Variants in VPS13D observed in about 807,000 individuals in gnomAD.
The protein encoded by VPS13D is vacuolar protein sorting 13 homolog D, also known as intermembrane lipid transfer protein VPS13D.
Under a neutral mutation model 461.9 loss-of-function variants are expected in VPS13D, and 187 were observed. The ratio of observed to expected loss-of-function variants is 0.40; its 90% CI spans 0.36 to 0.46. The LOEUF (loss-of-function observed/expected upper bound fraction) is 0.46. VPS13D is among the 20% of genes least tolerant of loss of function. The pLI is 0.60. For missense variants in VPS13D, 4,711 were observed against 5,364.9 expected (o/e 0.88, Z 3.81); for synonymous variants, 1,951 against 1,986.3 (o/e 0.98, Z 0.47).
At chr1:12,393,773 C>T (rs1644459788) in intron 60 of VPS13D, among the ~76,000 whole-genome samples, 1 of 152,172 alleles carries the variant, frequency 6.6e-6, no homozygotes. Flanking sequence ...CCCTACCAGT[C>T]AAGGAGCCAA....
intron 67 of VPS13D, among the ~76,000 whole-genome samples, chr1:12,472,011 A>C (rs77898650): frequency 0.032 from 4,937 of 152,258 alleles, 157 homozygotes; most frequent in Admixed American, 0.11. Flanking sequence ...ATTGGTTTCT[A>C]ATTAAATTCT....
chr1:12,321,987 A>G, intron 33 of VPS13D, 23 bp downstream of exon 33: 3 of 1,612,360 alleles, frequency 1.9e-6, no homozygotes, highest in Non-Finnish European at 2.5e-6. Flanking sequence ...AATCTGTGCA[A>G]TACGTTGATA....
intron 60 of VPS13D, among the ~76,000 whole-genome samples, chr1:12,399,254 T>TGGCGCTATCTCGGCTCACTGCAAC (rs1644540753): frequency 6.6e-6 from 1 of 151,424 alleles, no homozygotes; most frequent in South Asian, 2.1e-4. Flanking sequence ...TGGAGTGCAG[T>TGGCGCTATCTCGGCTCACTGCAAC]GGCGCTATCT....
chr1:12,413,514 C>G (rs1165774634), intron 63 of VPS13D, among the ~76,000 whole-genome samples: 1 of 152,010 alleles, frequency 6.6e-6, no homozygotes, highest in East Asian at 1.9e-4. Flanking sequence ...ACTCTGTCAC[C>G]CAGGCTAAGT....
chr1:12,483,692 C>A (rs761562287), intron 67 of VPS13D, among the ~76,000 whole-genome samples: 1 of 152,142 alleles, frequency 6.6e-6, no homozygotes, highest in Non-Finnish European at 1.5e-5. Flanking sequence ...CTTTAGGAAT[C>A]GCTTTGGCAT....
At chr1:12,230,160 C>T (rs953254448) in intron 1 of VPS13D, 40 bp downstream of exon 1, 9 of 152,152 alleles carry the variant, frequency 5.9e-5, no homozygotes, top group African/African-American at 2.2e-4. Flanking sequence ...GGGCCAGGGT[C>T]GGGAACTGCA....
intron 65 of VPS13D, among the ~76,000 whole-genome samples, chr1:12,430,911 G>A (rs980930543): frequency 7.9e-5 from 12 of 152,212 alleles, no homozygotes; most frequent in Non-Finnish European, 1.8e-4. Context: ...ATTAGCAAGT[G>A]AAAGTTGTAG....
At chr1:12,432,796 T>C (rs1645010120) in intron 65 of VPS13D, among the ~76,000 whole-genome samples, 1 of 152,110 alleles carries the variant, frequency 6.6e-6, no homozygotes, top group Admixed American at 6.5e-5. Context: ...GGTTTCTCTA[T>C]GTTGCTCAGG....
intron 61 of VPS13D, among the ~76,000 whole-genome samples, chr1:12,400,960 GCGCACACACACACACACACACA>G (rs1304930219): frequency 2.3e-5 from 3 of 130,964 alleles, no homozygotes. Context: ...ACCTGCGCGC[GCGCACACACACACACACACACA>G]CACACACACA....
chr1:12,358,687 G>A (rs540091855), intron 50 of VPS13D, 86 bp downstream of exon 50: 20 of 1,532,290 alleles, frequency 1.3e-5, no homozygotes, highest in Middle Eastern at 1.8e-4. Flanking sequence ...ATGCATTTTG[G>A]CCTGACTACA....
chr1:12,256,533 T>G (rs768618007), intron 8 of VPS13D, 30 bp downstream of exon 8: 2 of 1,609,044 alleles, frequency 1.2e-6, no homozygotes, highest in Non-Finnish European at 1.7e-6. Context: ...TGGCATCTAC[T>G]TACTGTCAAA....
intron 63 of VPS13D, among the ~76,000 whole-genome samples, chr1:12,405,838 T>G (rs1644646091): frequency 6.6e-6 from 1 of 152,186 alleles, no homozygotes; most frequent in South Asian, 2.1e-4. Flanking sequence ...GGACTTCTTG[T>G]TTTTAAAATC....
chr1:12,455,313 C>T (rs1425267102), intron 65 of VPS13D, among the ~76,000 whole-genome samples: 9 of 152,188 alleles, frequency 5.9e-5, no homozygotes, highest in Non-Finnish European at 1.2e-4. Flanking sequence ...CCTAAAGCAA[C>T]AATCTGACAC....
At chr1:12,239,988 G>GA (rs1237115015) in intron 2 of VPS13D, among the ~76,000 whole-genome samples, 1 of 152,114 alleles carries the variant, frequency 6.6e-6, no homozygotes, top group African/African-American at 2.4e-5. Context: ...TCTTTGGAGG[G>GA]ACCTTTCCCT....
intron 17 of VPS13D, among the ~76,000 whole-genome samples, chr1:12,272,486 G>A (rs150923348): frequency 2.0e-5 from 3 of 150,188 alleles, no homozygotes; most frequent in African/African-American, 7.3e-5. Flanking sequence ...TTTCTTTTTG[G>A]TAATGTAAAT....
chr1:12,414,265 C>T (rs1644767551), intron 63 of VPS13D, among the ~76,000 whole-genome samples: 1 of 152,004 alleles, frequency 6.6e-6, no homozygotes, highest in African/African-American at 2.4e-5. Context: ...GCCAGGACAA[C>T]AGAGTGAGAA....
intron 2 of VPS13D, among the ~76,000 whole-genome samples, chr1:12,241,561 T>G (rs1410014838): frequency 6.6e-6 from 1 of 152,192 alleles, no homozygotes; most frequent in African/African-American, 2.4e-5. Context: ...GCTCTATATA[T>G]GTGAGGGTGA....
Position 12,314,156 on chromosome 1 carries a change from C to G in VPS13D, c.6977C>G (p.Ser2326Cys). The change falls in exon 30 of 70, where the codon TCC becomes TGC. Residue 2326 changes from serine to cysteine, a missense_variant. Physicochemically the swap from Ser to Cys is moderately radical, Grantham distance 112 (BLOSUM62 -1). Around this residue, in one of 3 missense-constraint regions of VPS13D, gnomAD observed 4,411 missense variants for 4,937.8 expected, o/e 0.89. Transcript: ENST00000620676. ...KKCKLLYESFSNQTKSINLVS... is the reference protein window; with the variant it reads ...KKCKLLYESFCNQTKSINLVS... ...TGCAAACTGCTCTATGAAAGTTTTT[C>G]CAACCAAACCAAGTCCATTAACTTG... is the stretch of plus-strand genomic sequence containing the variant. The G allele has an allele frequency of 6.2e-7, 1 of 1,614,122 alleles. No individual in the cohort carries two copies.
chr1:12,373,857 A>G lies in VPS13D; in HGVS notation c.10916A>G (p.Lys3639Arg). 1 of 1,601,872 alleles carries G rather than the reference A, an allele frequency of 6.2e-7. No homozygotes were observed. The highest frequency in any genetic ancestry group is 1.1e-5 in the South Asian group (1 of 90,486). The change falls in exon 55 of 70, where the codon AAG becomes AGG. Residue 3639 changes from lysine (K) to arginine (R), a missense_variant and splice_region_variant. Lys to Arg is a conservative substitution (Grantham distance 26). This residue lies in a region of VPS13D where 4,411 missense variants were observed against 4,937.8 expected (regional missense o/e 0.89). Transcript: ENST00000620676. ...PKTQRVILKK[K>R]EPGKRSQLWR... ...ACACAAAGAGTCATTTTAAAAAAGA[A>G]GGTAAGAGAGCTTACAATCAGAGTT... is the stretch of plus-strand genomic sequence containing the variant.
Sources: gnomAD v4.1 joint callset for allele counts (sites outside exome capture counted in the v4.1 genomes callset) on GRCh38, gnomAD v4.1.1 for gene constraint, gnomAD v4.1.1 regional missense constraint, MANE v1.5 for transcripts, NCBI Gene and HGNC (gene_info 2026-07-23, HGNC 2026-07-21) for gene names.